Variants in ZFAT observed in about 807,000 individuals in gnomAD.
ZFAT encodes the protein zinc finger protein ZFAT.
ZFAT carries 64 observed loss-of-function variants against 117.7 expected under a neutral mutation model. The observed-to-expected ratio is 0.54, with a 90% CI of 0.44 to 0.67. ZFAT has a LOEUF of 0.67. ZFAT is among the 30% of genes least tolerant of loss of function. The pLI is 0.00. For synonymous variants in ZFAT, 679 were observed against 615.0 expected, an observed-to-expected ratio of 1.10 and a Z score of -1.54; for missense variants, 1,433 against 1,584.5, an observed-to-expected ratio of 0.90 and a Z score of 1.62.
At chr8:134,697,834 G>A (rs1833910186) in intron 1 of ZFAT, among the ~76,000 whole-genome samples, 1 of 150,110 alleles carries the variant, frequency 6.7e-6, no homozygotes, top group South Asian at 2.1e-4. Context: ...GCCTGCCTCG[G>A]CCTCCCAAAG....
intron 13 of ZFAT, among the ~76,000 whole-genome samples, chr8:134,520,400 A>AT (rs1210953840): frequency 3.9e-5 from 6 of 152,198 alleles, no homozygotes; most frequent in Non-Finnish European, 8.8e-5. Flanking sequence ...GGCTCTTATA[A>AT]TAAAGGCGTG....
intron 15 of ZFAT, among the ~76,000 whole-genome samples, chr8:134,506,889 G>A (rs1021364547): frequency 2.0e-5 from 3 of 152,156 alleles, no homozygotes; most frequent in Non-Finnish European, 2.9e-5. Context: ...ATTGTTCTGC[G>A]ATATACATCA....
the ZFAT span, among the ~76,000 whole-genome samples, chr8:134,804,437 T>C: frequency 6.6e-6 from 1 of 152,078 alleles, no homozygotes; most frequent in Non-Finnish European, 1.5e-5. Flanking sequence ...CACACATCTC[T>C]TTTAAGTATA....
intron 1 of ZFAT, among the ~76,000 whole-genome samples, chr8:134,695,110 G>A (rs1484393126): frequency 1.3e-5 from 2 of 152,180 alleles, no homozygotes; most frequent in East Asian, 1.9e-4. Context: ...AGAAGGCAGC[G>A]GCCAGAGGAG....
the ZFAT span, among the ~76,000 whole-genome samples, chr8:134,814,682 C>T: frequency 6.6e-6 from 1 of 152,234 alleles, no homozygotes; most frequent in Non-Finnish European, 1.5e-5. Context: ...CCATCATGCC[C>T]TCCACAACAC....
chr8:134,551,381 T>C (rs1286445546), intron 11 of ZFAT, among the ~76,000 whole-genome samples: 8 of 152,222 alleles, frequency 5.3e-5, no homozygotes, highest in Non-Finnish European at 1.2e-4. Flanking sequence ...AGAAAACACC[T>C]GCGTAATGCC....
At chr8:134,585,801 G>C (rs1043080732) in intron 9 of ZFAT, among the ~76,000 whole-genome samples, 4 of 152,178 alleles carry the variant, frequency 2.6e-5, no homozygotes, top group African/African-American at 9.7e-5. Flanking sequence ...CTAAGAGCCA[G>C]TGTTTAGAAC....
At chr8:134,768,624 C>G in the ZFAT span, among the ~76,000 whole-genome samples, 2 of 152,160 alleles carry the variant, frequency 1.3e-5, no homozygotes, top group Admixed American at 6.5e-5. Flanking sequence ...TTTTTAAAAC[C>G]ATCAGGCCTC....
chr8:134,830,539 T>C, the ZFAT span, among the ~76,000 whole-genome samples: 1 of 152,318 alleles, frequency 6.6e-6, no homozygotes, highest in African/African-American at 2.4e-5. Context: ...CAGAAATGCT[T>C]AGGTAAGGAG....
chr8:134,832,304 G>A, the ZFAT span, among the ~76,000 whole-genome samples: 1 of 151,898 alleles, frequency 6.6e-6, no homozygotes, highest in African/African-American at 2.4e-5. Context: ...GTGTCTGAGG[G>A]AGAGCGGCTG....
chr8:134,500,123 A>C (rs1314436839), intron 15 of ZFAT, among the ~76,000 whole-genome samples: 3 of 152,194 alleles, frequency 2.0e-5, no homozygotes, highest in Admixed American at 2.0e-4. Context: ...CCTTGACCCC[A>C]AACTTGAAAT....
At chr8:134,757,030 T>G in the ZFAT span, among the ~76,000 whole-genome samples, 1 of 148,496 alleles carries the variant, frequency 6.7e-6, no homozygotes, top group Non-Finnish European at 1.5e-5. Context: ...TTTTTTTTTT[T>G]TTTGAGACAA....
At chr8:134,832,093 G>A in the ZFAT span, among the ~76,000 whole-genome samples, 1 of 149,704 alleles carries the variant, frequency 6.7e-6, no homozygotes, top group Admixed American at 6.6e-5. Flanking sequence ...AGCGGCCGGG[G>A]GAGAGGGCGC....
At chr8:134,540,706 CT>C (rs1262900794) in intron 11 of ZFAT, among the ~76,000 whole-genome samples, 1 of 152,240 alleles carries the variant, frequency 6.6e-6, no homozygotes, top group Non-Finnish European at 1.5e-5. Context: ...TGTTAAGCCA[CT>C]TAGAAACACT....
intron 11 of ZFAT, 106 bp downstream of exon 11, chr8:134,565,227 G>T (rs1259770066): frequency 6.4e-7 from 1 of 1,567,408 alleles, no homozygotes; most frequent in Non-Finnish European, 8.6e-7. Context: ...GCCCCAAAGC[G>T]AAGGTAAAAC....
chr8:134,829,913 T>C, the ZFAT span, among the ~76,000 whole-genome samples: 34,880 of 152,180 alleles, frequency 0.23, 4,251 homozygotes, highest in African/African-American at 0.29. Flanking sequence ...GAAATGTGTG[T>C]ATAGTATTTC....
chr8:134,671,623 T>C (rs1466392653), intron 1 of ZFAT, among the ~76,000 whole-genome samples: 2 of 152,218 alleles, frequency 1.3e-5, no homozygotes, highest in East Asian at 3.8e-4. Context: ...AAGAGCTATT[T>C]ATGACTAACC....
At chr8:134,566,554 T>A (rs1037045570) in intron 10 of ZFAT, among the ~76,000 whole-genome samples, 6 of 152,130 alleles carry the variant, frequency 3.9e-5, no homozygotes, top group African/African-American at 1.4e-4. Flanking sequence ...TGTAACCAAA[T>A]GTAAATGTGG....
chr8:134,612,283 CG>C (rs746423740), intron 3 of ZFAT, among the ~76,000 whole-genome samples: 42 of 152,240 alleles, frequency 2.8e-4, no homozygotes, highest in Non-Finnish European at 5.3e-4. Flanking sequence ...GCTGCAAGGT[CG>C]GGTCATAGGG....
Sources: gnomAD v4.1 joint callset for allele counts (sites outside exome capture counted in the v4.1 genomes callset) on GRCh38, gnomAD v4.1.1 for gene constraint, MANE v1.5 for transcripts, NCBI Gene and HGNC (gene_info 2026-07-23, HGNC 2026-07-21) for gene names.